Variants in HS6ST3 observed in about 807,000 individuals in gnomAD.
HS6ST3 encodes the protein heparan-sulfate 6-O-sulfotransferase 3.
In HS6ST3, 12 loss-of-function variants were observed where a neutral mutation model predicts 36.7. That is an observed-to-expected ratio of 0.33 (90% confidence interval 0.21 to 0.53). The LOEUF is 0.53. HS6ST3 is among the 20% of genes least tolerant of loss of function. HS6ST3 has a pLI of 0.95. For missense variants in HS6ST3, 584 were observed against 640.9 expected (o/e 0.91, Z 0.96); for synonymous variants, 240 against 257.5 (o/e 0.93, Z 0.65).
rs71292889 is a variant in HS6ST3 at position 96,583,204 on chromosome 13, C to CTTTTTTTTTTTTTTTTTTTTTTTTTTTT, written c.708-249259_708-249258insTTTTTTTTTTTTTTTTTTTTTTTTTTTT. Among the ~76,000 whole-genome samples, 3 of 52,922 alleles carry CTTTTTTTTTTTTTTTTTTTTTTTTTTTT rather than the reference C, an allele frequency of 5.7e-5. 1 individual carries two copies. The highest frequency in any genetic ancestry group is 1.6e-4 in the African/African-American group (2 of 12,420). The allele number at this position is 52,922 out of a possible 152,430, so 34.7% of individuals were successfully genotyped here. A position where few individuals can be genotyped will look rare whatever the true frequency, so the allele number is the denominator to read the frequency against. On this transcript the variant is annotated intron_variant, in intron 1 of 1. Transcript: ENST00000376705. The stretch of plus-strand genomic sequence containing the variant: ...AATGGCTTCAATTTCTTTTTCTTTT[C>CTTTTTTTTTTTTTTTTTTTTTTTTTTTT]TTTTTTTTTTTTTTTTTTTTTTTTT...
At chr13:96,277,162 C>T (rs1348315054) in intron 1 of HS6ST3, among the ~76,000 whole-genome samples, 2 of 152,186 alleles carry the variant, frequency 1.3e-5, no homozygotes, top group Non-Finnish European at 2.9e-5. Flanking sequence ...GGATGCCCTT[C>T]CTGTATCTTG....
intron 1 of HS6ST3, among the ~76,000 whole-genome samples, chr13:96,227,723 GCTCTTTTATGT>G (rs911298127): frequency 1.3e-5 from 2 of 152,166 alleles, no homozygotes; most frequent in African/African-American, 4.8e-5. Flanking sequence ...TGGAAACAAA[GCTCTTTTATGT>G]CTTCTTATAT....
At chr13:96,497,494 CA>C (rs2055983191) in intron 1 of HS6ST3, among the ~76,000 whole-genome samples, 1 of 152,164 alleles carries the variant, frequency 6.6e-6, no homozygotes, top group Admixed American at 6.5e-5. Flanking sequence ...TGTACCCTCA[CA>C]ATAACCTCAC....
At chr13:96,573,534 AG>A (rs1330137346) in intron 1 of HS6ST3, 1 of 179,080 alleles carries the variant, frequency 5.6e-6, no homozygotes, top group Non-Finnish European at 1.1e-5. Context: ...GAAATAAAAT[AG>A]CTCCCCTCCT....
chr13:96,126,669 C>T lies in HS6ST3; in HGVS notation c.707+35100C>T, dbSNP rs113778995. Among the ~76,000 whole-genome samples the T allele has an allele frequency of 3.2e-3, 487 of 152,204 alleles. 4 individuals carry two copies. Among genetic ancestry groups the T allele is most frequent in the African/African-American group, 0.011 (448 of 41,522 alleles). Reference sequence around the variant, plus strand: ...ATTTGGGAACAGGATGTTGGGCCAGCGGGTTGTCTGTGATTGGCTATCTCT... The same window carrying T: ...ATTTGGGAACAGGATGTTGGGCCAGTGGGTTGTCTGTGATTGGCTATCTCT... On this transcript the variant is annotated intron_variant, in intron 1 of 1. Coordinates refer to ENST00000376705, the MANE Select transcript of HS6ST3 (RefSeq NM_153456.4).
chr13:96,597,345 T>C (rs1345631942), intron 1 of HS6ST3, among the ~76,000 whole-genome samples: 1 of 151,160 alleles, frequency 6.6e-6, no homozygotes, highest in African/African-American at 2.4e-5. Flanking sequence ...AAAATAAAAG[T>C]TAAAGAAAAA....
intron 1 of HS6ST3, among the ~76,000 whole-genome samples, chr13:96,466,005 C>T (rs6491291): frequency 0.011 from 1,708 of 151,724 alleles, 13 homozygotes; most frequent in African/African-American, 0.016. Context: ...CTATCTTGTC[C>T]GGCACGGTGG....
chr13:96,140,776 G>T lies in HS6ST3; in HGVS notation c.707+49207G>T, dbSNP rs191058796. 2.2e-3 allele frequency among the ~76,000 whole-genome samples: 329 copies of T among 152,246 alleles called. 3 individuals are homozygous for T. The highest frequency in any genetic ancestry group is 3.3e-3 in the Non-Finnish European group (225 of 68,026). ...AAAATGCAGCTTTTATGTGGTGCAG[G>T]ATTACTGTAAGAAAGGCATACCTAC... On this transcript the variant is annotated intron_variant, in intron 1 of 1. Transcript: ENST00000376705.
intron 1 of HS6ST3, among the ~76,000 whole-genome samples, chr13:96,355,037 C>T (rs968684470): frequency 6.6e-6 from 1 of 152,070 alleles, no homozygotes; most frequent in Admixed American, 6.6e-5. Flanking sequence ...GTGTCCACCT[C>T]CAGGACTTTG....
chr13:96,786,150 G>T (rs377302641), intron 1 of HS6ST3, among the ~76,000 whole-genome samples: 1 of 151,874 alleles, frequency 6.6e-6, no homozygotes, highest in Non-Finnish European at 1.5e-5. Flanking sequence ...TTCTTACTCC[G>T]TTCCCTTCCC....
At chr13:96,189,760 C>T (rs559877479) in intron 1 of HS6ST3, among the ~76,000 whole-genome samples, 60 of 152,292 alleles carry the variant, frequency 3.9e-4, no homozygotes, top group African/African-American at 1.4e-3. Context: ...TGAAAGGAGC[C>T]ACTCCTGTCT....
At chr13:96,338,245 C>G (rs1316606301) in intron 1 of HS6ST3, among the ~76,000 whole-genome samples, 1 of 152,054 alleles carries the variant, frequency 6.6e-6, no homozygotes, top group African/African-American at 2.4e-5. Context: ...CCACAAATGG[C>G]CGGTGAGCCA....
intron 1 of HS6ST3, among the ~76,000 whole-genome samples, chr13:96,416,088 G>A (rs2055531566): frequency 6.6e-6 from 1 of 152,188 alleles, no homozygotes; most frequent in Non-Finnish European, 1.5e-5. Context: ...GGATGATCAA[G>A]CTTGTGCACA....
intron 1 of HS6ST3, among the ~76,000 whole-genome samples, chr13:96,590,629 A>G (rs1315216530): frequency 6.6e-6 from 1 of 151,980 alleles, no homozygotes; most frequent in East Asian, 1.9e-4. Flanking sequence ...ATTTTCTCCC[A>G]TTCTTTGGGT....
chr13:96,560,792 T>C (rs577169298), intron 1 of HS6ST3, among the ~76,000 whole-genome samples: 9 of 152,090 alleles, frequency 5.9e-5, no homozygotes, highest in Non-Finnish European at 1.3e-4. Flanking sequence ...CTGCAAAATA[T>C]AGAATACCTA....
At chr13:96,821,640 T>C (rs1878537624) in intron 1 of HS6ST3, among the ~76,000 whole-genome samples, 1 of 152,250 alleles carries the variant, frequency 6.6e-6, no homozygotes. Context: ...CATTCCATAT[T>C]TTGAGTTAGC....
chr13:96,546,068 TTTA>T (rs1166513865), intron 1 of HS6ST3, among the ~76,000 whole-genome samples: 1 of 152,164 alleles, frequency 6.6e-6, no homozygotes, highest in Non-Finnish European at 1.5e-5. Context: ...GGTCTCTGAG[TTTA>T]TTATTCAAGT....
chr13:96,398,473 G>C (rs1013233567), intron 1 of HS6ST3, among the ~76,000 whole-genome samples: 1 of 151,990 alleles, frequency 6.6e-6, no homozygotes, highest in Non-Finnish European at 1.5e-5. Flanking sequence ...AGTAGAGATG[G>C]GGTTTTGCCA....
At chr13:96,489,056 A>G (rs1346562868) in intron 1 of HS6ST3, among the ~76,000 whole-genome samples, 1 of 152,078 alleles carries the variant, frequency 6.6e-6, no homozygotes, top group Non-Finnish European at 1.5e-5. Flanking sequence ...TATTTGTGAG[A>G]AAAAATAAAT....
Sources: gnomAD v4.1 joint callset for allele counts (sites outside exome capture counted in the v4.1 genomes callset) on GRCh38, gnomAD v4.1.1 for gene constraint, MANE v1.5 for transcripts, NCBI Gene and HGNC (gene_info 2026-07-23, HGNC 2026-07-21) for gene names.